The following IL1RAPL2 variants were observed in gnomAD, a reference collection of about 807,000 sequenced individuals.
The protein encoded by IL1RAPL2 is X-linked interleukin-1 receptor accessory protein-like 2.
IL1RAPL2 carries 3 observed loss-of-function variants against 44.1 expected under a neutral mutation model. The ratio of observed to expected loss-of-function variants is 0.07; its 90% CI spans 0.03 to 0.18. The LOEUF is 0.18. Among genes scored for constraint, IL1RAPL2 ranks in the 10% least tolerant of loss-of-function variants. The pLI, the probability that IL1RAPL2 is intolerant of heterozygous loss-of-function variation, is 1.00. For missense variants in IL1RAPL2, 391 were observed against 496.4 expected (o/e 0.79, Z 2.02); for synonymous variants, 181 against 178.8 (o/e 1.01, Z -0.10).
At chrX:104,900,117 G>A (rs1279243285) in intron 2 of IL1RAPL2, among the ~76,000 whole-genome samples, 1 of 111,538 alleles carries the variant, frequency 9.0e-6, no homozygotes, top group Non-Finnish European at 1.9e-5. Flanking sequence ...TCATCTGCTA[G>A]GTGATATCTC....
chrX:105,087,305 A>G (rs904194469), intron 2 of IL1RAPL2, among the ~76,000 whole-genome samples: 1 of 111,652 alleles, frequency 9.0e-6, no homozygotes, highest in Non-Finnish European at 1.9e-5. Flanking sequence ...AATGGGATAT[A>G]CACTTTAATA....
chrX:105,640,518 C>T (rs573927161), intron 6 of IL1RAPL2, among the ~76,000 whole-genome samples: 7 of 106,977 alleles, frequency 6.5e-5, no homozygotes, highest in East Asian at 3.0e-4. Context: ...CTGTTGAGAT[C>T]GTTTGTTTTC....
intron 2 of IL1RAPL2, among the ~76,000 whole-genome samples, chrX:105,042,270 T>C (rs1235322934): frequency 1.8e-5 from 2 of 108,525 alleles, no homozygotes; most frequent in Admixed American, 9.8e-5. Context: ...CAAAAGAAAC[T>C]ACCATCAGAG....
chrX:105,396,928 G>A (rs750519352), intron 5 of IL1RAPL2, among the ~76,000 whole-genome samples: 2 of 111,220 alleles, frequency 1.8e-5, no homozygotes, highest in African/African-American at 3.3e-5. Flanking sequence ...AGTGAGCGAA[G>A]CTTCATCTGT....
At chrX:104,881,575 G>A (rs1923072717) in intron 2 of IL1RAPL2, among the ~76,000 whole-genome samples, 1 of 112,171 alleles carries the variant, frequency 8.9e-6, no homozygotes, top group African/African-American at 3.2e-5. Flanking sequence ...GTAAATGCAG[G>A]TGCCAATCAG....
intron 2 of IL1RAPL2, among the ~76,000 whole-genome samples, chrX:104,758,188 A>G (rs775591009): frequency 9.0e-6 from 1 of 111,710 alleles, no homozygotes; most frequent in South Asian, 3.8e-4. Flanking sequence ...CTCTTGTGAC[A>G]TTCTTTTCCC....
chrX:104,698,617 G>T (rs1931218867), intron 2 of IL1RAPL2, among the ~76,000 whole-genome samples: 1 of 112,041 alleles, frequency 8.9e-6, no homozygotes, highest in Non-Finnish European at 1.9e-5. Context: ...AATCATAATG[G>T]TTGGGAGGGT....
intron 2 of IL1RAPL2, among the ~76,000 whole-genome samples, chrX:105,031,672 C>T (rs1225602767): frequency 1.8e-5 from 2 of 111,678 alleles, no homozygotes; most frequent in Admixed American, 1.9e-4. Flanking sequence ...ATTTTTGCAT[C>T]AATGTTTATC....
intron 10 of IL1RAPL2, among the ~76,000 whole-genome samples, chrX:105,761,263 G>A (rs1173776496): frequency 3.7e-5 from 3 of 82,095 alleles, no homozygotes; most frequent in African/African-American, 9.7e-5. Context: ...ACACACACAC[G>A]GCTAACTTAA....
At chrX:104,981,126 C>CT (rs1055039749) in intron 2 of IL1RAPL2, among the ~76,000 whole-genome samples, 2 of 104,588 alleles carry the variant, frequency 1.9e-5, no homozygotes, top group Admixed American at 1.0e-4. Context: ...TGGGATTGTT[C>CT]TTTTTTTTCT....
chrX:104,652,407 C>T (rs1020633636), intron 1 of IL1RAPL2, among the ~76,000 whole-genome samples: 7 of 111,734 alleles, frequency 6.3e-5, no homozygotes, highest in Admixed American at 1.9e-4. Context: ...CACTCATTTG[C>T]ATTATTTAAA....
rs1171872748 is a variant in IL1RAPL2, at chrX:105,670,105, GTATATATATATATATATATA to G, written c.773-47238_773-47219del. ...GTGTGGCTCTATTTCTGGGTTTCCT[GTATATATATATATATATATA>G]TATATATATATATATATATATATCT... On this transcript the variant is annotated intron_variant, in intron 6 of 10. Transcript: ENST00000372582. Among the ~76,000 whole-genome samples, 82 of 11,686 alleles carry G rather than the reference GTATATATATATATATATATA, an allele frequency of 7.0e-3. 5 individuals are homozygous for G. The highest frequency in any genetic ancestry group is 0.01 in the Non-Finnish European group (53 of 5,177). 10.1% of individuals were successfully genotyped at this position (11,686 alleles called of 115,157 possible). A position where few individuals can be genotyped will look rare whatever the true frequency, so the allele number is the denominator to read the frequency against.
At chrX:104,978,542 G>A (rs1218416109) in intron 2 of IL1RAPL2, among the ~76,000 whole-genome samples, 2 of 111,916 alleles carry the variant, frequency 1.8e-5, no homozygotes, top group Admixed American at 1.9e-4. Context: ...ATATCACCAC[G>A]ATCATTTGAC....
chrX:105,420,091 A>G (rs1186575531), intron 5 of IL1RAPL2, among the ~76,000 whole-genome samples: 1 of 110,460 alleles, frequency 9.1e-6, no homozygotes, highest in Non-Finnish European at 1.9e-5. Context: ...TCTGAGTACA[A>G]CAGATAAAAG....
At chrX:105,023,534 G>C (rs776487450) in intron 2 of IL1RAPL2, among the ~76,000 whole-genome samples, 54 of 111,407 alleles carry the variant, frequency 4.8e-4, no homozygotes, top group African/African-American at 1.7e-3. Context: ...TGCATCTCCA[G>C]TACCTAGAAC....
intron 2 of IL1RAPL2, among the ~76,000 whole-genome samples, chrX:104,962,591 T>C (rs946319570): frequency 2.3e-4 from 26 of 112,182 alleles, no homozygotes; most frequent in African/African-American, 8.1e-4. Flanking sequence ...ATGCTAAATA[T>C]ACTTACTCTA....
chrX:105,285,169 A>T (rs140355813), intron 5 of IL1RAPL2, among the ~76,000 whole-genome samples: 5 of 111,452 alleles, frequency 4.5e-5, no homozygotes, highest in Non-Finnish European at 9.4e-5. Context: ...ACTCAACTCA[A>T]TGAAGATCTT....
chrX:104,597,180 C>T (rs1333493633), intron 1 of IL1RAPL2, among the ~76,000 whole-genome samples: 8 of 109,010 alleles, frequency 7.3e-5, no homozygotes, highest in African/African-American at 2.7e-4. Context: ...CCCATCTCTA[C>T]CAAAATACAA....
chrX:105,347,556 CCAT>C (rs35941963), intron 5 of IL1RAPL2, among the ~76,000 whole-genome samples: 31,553 of 100,303 alleles, frequency 0.31, 4,447 homozygotes, highest in East Asian at 0.47. Context: ...CTCTCTTCCT[CCAT>C]CATCATCATC....
Sources: allele counts gnomAD v4.1 joint callset (sites outside exome capture counted in the v4.1 genomes callset), GRCh38; gene constraint gnomAD v4.1.1; transcripts MANE v1.5; gene names NCBI Gene and HGNC (gene_info 2026-07-23, HGNC 2026-07-21).